The following ZBBX variants were observed in gnomAD, a reference collection of about 807,000 sequenced individuals.
The protein encoded by ZBBX is zinc finger B-box domain-containing protein 1.
Under a neutral mutation model 108.5 loss-of-function variants are expected in ZBBX, and 101 were observed. The observed-to-expected ratio is 0.93, with a 90% confidence interval of 0.79 to 1.10. ZBBX has a LOEUF of 1.10. Among genes scored for constraint, ZBBX ranks in the 50% least tolerant of loss-of-function variants. The probability of loss-of-function intolerance (pLI) is 0.00; values close to 1 mark genes in which losing one functional copy is unlikely to be tolerated. For missense variants in ZBBX, 1,009 were observed against 941.4 expected, an observed-to-expected ratio of 1.07 and a Z score of -0.94; for synonymous variants, 356 against 323.4, an observed-to-expected ratio of 1.10 and a Z score of -1.08.
At chr3:167,285,683 A>C (rs922021716) in intron 19 of ZBBX, among the ~76,000 whole-genome samples, 1 of 152,148 alleles carries the variant, frequency 6.6e-6, no homozygotes, top group African/African-American at 2.4e-5. Flanking sequence ...CTTGTGAATT[A>C]ATACTCAATC....
chr3:167,365,801 C>A, intron 6 of ZBBX, 85 bp downstream of exon 6: 1 of 840,916 alleles, frequency 1.2e-6, no homozygotes, highest in Non-Finnish European at 1.8e-6. Context: ...GAGTATATTC[C>A]TGAGTATAGA....
chr3:167,392,318 A>G (rs1031055707), intron 1 of ZBBX, among the ~76,000 whole-genome samples: 1 of 151,848 alleles, frequency 6.6e-6, no homozygotes, highest in African/African-American at 2.4e-5. Flanking sequence ...TGAACATTTA[A>G]TTGTATCCAG....
chr3:167,281,017 C>T (rs970821913), intron 20 of ZBBX, among the ~76,000 whole-genome samples: 3 of 152,126 alleles, frequency 2.0e-5, no homozygotes, highest in Non-Finnish European at 2.9e-5. Context: ...AAAAACCAAA[C>T]ACCACATATT....
chr3:167,201,490 C>T, the ZBBX span, among the ~76,000 whole-genome samples: 1 of 151,996 alleles, frequency 6.6e-6, no homozygotes, highest in Admixed American at 6.6e-5. Flanking sequence ...ATGTAAATGC[C>T]CCATTACTGA....
downstream of ZBBX, among the ~76,000 whole-genome samples, chr3:167,234,957 C>T (rs560017736): frequency 1.8e-4 from 27 of 151,782 alleles, no homozygotes; most frequent in African/African-American, 3.9e-4. Flanking sequence ...CTCATCGTGA[C>T]GGCTAAAAAA....
intron 19 of ZBBX, among the ~76,000 whole-genome samples, chr3:167,284,208 T>TAAA (rs1729322646): frequency 7.0e-6 from 1 of 142,850 alleles, no homozygotes; most frequent in Non-Finnish European, 1.6e-5. Context: ...ATATATATAA[T>TAAA]TATCCCTGAG....
chr3:167,344,569 C>A (rs1223232844), intron 9 of ZBBX, among the ~76,000 whole-genome samples: 1 of 151,708 alleles, frequency 6.6e-6, no homozygotes, highest in African/African-American at 2.4e-5. Flanking sequence ...CTCTTGGCAT[C>A]AGTCTATTCA....
At chr3:167,377,845 A>T (rs1214288212) in intron 2 of ZBBX, among the ~76,000 whole-genome samples, 1 of 152,140 alleles carries the variant, frequency 6.6e-6, no homozygotes, top group Non-Finnish European at 1.5e-5. Context: ...CTGTGTCTCC[A>T]CCCAAATCTC....
At chr3:167,403,078 T>G (rs1328517848) in intron 1 of ZBBX, among the ~76,000 whole-genome samples, 1 of 152,134 alleles carries the variant, frequency 6.6e-6, no homozygotes, top group Non-Finnish European at 1.5e-5. Flanking sequence ...AATACATACA[T>G]CTACAAATCC....
upstream of ZBBX, among the ~76,000 whole-genome samples, chr3:167,382,933 C>A (rs917300352): frequency 6.6e-6 from 1 of 152,028 alleles, no homozygotes; most frequent in African/African-American, 2.4e-5. Context: ...AGTTTTGTAT[C>A]TAACCTAGAA....
At chr3:167,261,374 G>A (rs1283955590) in intron 20 of ZBBX, among the ~76,000 whole-genome samples, 1 of 151,756 alleles carries the variant, frequency 6.6e-6, no homozygotes, top group African/African-American at 2.4e-5. Context: ...ACTGGCGGTG[G>A]TCGGGGCCCT....
chr3:167,377,903 T>A (rs1198402481), intron 2 of ZBBX, among the ~76,000 whole-genome samples: 1 of 151,812 alleles, frequency 6.6e-6, no homozygotes, highest in Non-Finnish European at 1.5e-5. Context: ...GGGAGGGCCC[T>A]GGTAGGAGAT....
At chr3:167,320,197 G>A (rs1207821664) in intron 12 of ZBBX, among the ~76,000 whole-genome samples, 3 of 143,610 alleles carry the variant, frequency 2.1e-5, no homozygotes, top group African/African-American at 7.9e-5. Context: ...CAGGGAAAAT[G>A]CATCTTGAGT....
the ZBBX span, among the ~76,000 whole-genome samples, chr3:167,180,348 T>A: frequency 6.6e-6 from 1 of 152,200 alleles, no homozygotes; most frequent in Non-Finnish European, 1.5e-5. Context: ...TGATGTCCCA[T>A]AGTAATTTTT....
At chr3:167,286,624 G>A (rs981407042) in intron 19 of ZBBX, among the ~76,000 whole-genome samples, 11 of 152,110 alleles carry the variant, frequency 7.2e-5, no homozygotes, top group African/African-American at 2.4e-4. Context: ...AGTGTTTAGT[G>A]TTGGGCTTGA....
the ZBBX span, among the ~76,000 whole-genome samples, chr3:167,215,749 A>G: frequency 6.6e-6 from 1 of 152,166 alleles, no homozygotes. Context: ...CTGCAAACTG[A>G]ATCCAGCAGC....
At chr3:167,259,225 T>C (rs563762726) in intron 20 of ZBBX, among the ~76,000 whole-genome samples, 2 of 152,348 alleles carry the variant, frequency 1.3e-5, no homozygotes, top group East Asian at 1.9e-4. Context: ...CAGGAATTTA[T>C]CCATGTATTC....
upstream of ZBBX, chr3:167,381,324 C>T (rs1747703878): frequency 6.6e-6 from 1 of 152,140 alleles, no homozygotes; most frequent in South Asian, 2.1e-4. Context: ...CACAACTTAC[C>T]TGCTGTGTGA....
chr3:167,353,753 T>C (rs1743056221), intron 8 of ZBBX, among the ~76,000 whole-genome samples: 2 of 151,980 alleles, frequency 1.3e-5, no homozygotes, highest in South Asian at 4.1e-4. Context: ...CACCCTTGTA[T>C]CTCCATAATG....
Sources: allele counts gnomAD v4.1 joint callset (sites outside exome capture counted in the v4.1 genomes callset), GRCh38; gene constraint gnomAD v4.1.1; transcripts MANE v1.5; gene names NCBI Gene and HGNC (gene_info 2026-07-23, HGNC 2026-07-21).